Variants in CDH3 observed in about 807,000 individuals in gnomAD.
CDH3 encodes cadherin 3, also known as cadherin-3.
CDH3 carries 54 observed loss-of-function variants against 82.0 expected under a neutral mutation model. The observed-to-expected ratio is 0.66, with a 90% CI of 0.53 to 0.83. The LOEUF is 0.83. CDH3 is among the 40% of genes least tolerant of loss of function. CDH3 has a pLI of 0.00. For synonymous variants in CDH3, 446 were observed against 437.9 expected, an observed-to-expected ratio of 1.02 and a Z score of -0.23; for missense variants, 1,054 against 1,084.6, an observed-to-expected ratio of 0.97 and a Z score of 0.40.
At chr16:68,680,059 C>T in intron 7 of CDH3, 85 bp downstream of exon 7, 1 of 1,317,852 alleles carries the variant, frequency 7.6e-7, no homozygotes, top group Non-Finnish European at 1.1e-6. Flanking sequence ...CCTATCCCTG[C>T]CCACAAAGCC....
rs571655244 is a variant in CDH3 at position 68,645,544 on chromosome 16, C to A, written c.46-92C>A. The A allele has an allele frequency of 7.1e-4, 1,019 of 1,444,374 alleles. 13 individuals are homozygous for A. In the South Asian group the frequency reaches 0.011, roughly 16 times the overall value. 89.5% of individuals were successfully genotyped at this position (1,444,374 alleles called of 1,614,324 possible). On this transcript the variant is annotated intron_variant, in intron 1 of 15. Coordinates refer to ENST00000264012, the MANE Select transcript of CDH3 (RefSeq NM_001793.6). ...CTGCGCTCCCTGGGGCCAAGGGAGT[C>A]CCGGAAGGCCCGTGAGGACCCTGCG...
chr16:68,662,516 C>A (rs1454189297), intron 2 of CDH3, among the ~76,000 whole-genome samples: 1 of 150,790 alleles, frequency 6.6e-6, no homozygotes, highest in African/African-American at 2.4e-5. Flanking sequence ...CGTCTGTAAT[C>A]CCAGCACTTT....
At chr16:68,729,391 C>T (rs923626747), downstream of CDH3, among the ~76,000 whole-genome samples, 6 of 152,106 alleles carry the variant, frequency 3.9e-5, no homozygotes, top group Non-Finnish European at 8.8e-5. Flanking sequence ...TTAAAGAAGT[C>T]TGTAAGTCTG....
At chr16:68,661,167 C>A (rs950485513) in intron 2 of CDH3, among the ~76,000 whole-genome samples, 1 of 152,118 alleles carries the variant, frequency 6.6e-6, no homozygotes, top group Non-Finnish European at 1.5e-5. Context: ...TCACACTTTA[C>A]ATAAAAAGCA....
intron 1 of CDH3, among the ~76,000 whole-genome samples, chr16:68,720,618 CTT>C (rs5817649): frequency 2.8e-3 from 376 of 135,880 alleles, no homozygotes; most frequent in East Asian, 2.8e-3. Flanking sequence ...TTTATTAAGT[CTT>C]TTTTTTTTTT....
intron 9 of CDH3, among the ~76,000 whole-genome samples, chr16:68,684,061 C>T (rs977891744): frequency 1.6e-4 from 14 of 87,622 alleles, no homozygotes; most frequent in Admixed American, 1.2e-3. Flanking sequence ...AGCGAGACTC[C>T]GTCTCCAAAA....
At chr16:68,687,060 T>C (rs1961431252) in intron 11 of CDH3, among the ~76,000 whole-genome samples, 1 of 152,192 alleles carries the variant, frequency 6.6e-6, no homozygotes, top group African/African-American at 2.4e-5. Flanking sequence ...TCCCTTGTGA[T>C]TGATTGATAG....
intron 13 of CDH3, 88 bp from the exon 14 acceptor site, chr16:68,695,167 T>C: frequency 1.5e-6 from 2 of 1,366,430 alleles, no homozygotes; most frequent in Non-Finnish European, 2.1e-6. Context: ...AGTGAGGACA[T>C]CTGCAGTTAG....
chr16:68,651,073 T>C lies in CDH3; in HGVS notation c.160+5323T>C, dbSNP rs1960229010. Reference sequence around the variant, plus strand: ...GTAGTAAGGGGGATATTCAGGGGCCTTCCCTGGGCCTGGGCAGTCGTTGGT... The same window carrying C: ...GTAGTAAGGGGGATATTCAGGGGCCCTCCCTGGGCCTGGGCAGTCGTTGGT... On this transcript the variant is annotated intron_variant, in intron 2 of 15. Coordinates refer to ENST00000264012, the MANE Select transcript of CDH3 (RefSeq NM_001793.6). 3 of 422,446 alleles carry C rather than the reference T, an allele frequency of 7.1e-6. No homozygotes were observed. In the South Asian group the frequency reaches 7.2e-5, roughly 10 times the overall value. The allele number at this position is 422,446 out of a possible 1,614,324, so 26.2% of individuals were successfully genotyped here.
intron 2 of CDH3, among the ~76,000 whole-genome samples, chr16:68,650,189 G>A (rs1262049717): frequency 6.6e-6 from 1 of 152,118 alleles, no homozygotes; most frequent in Admixed American, 6.5e-5. Context: ...AGAGAAAGCC[G>A]GCCACTCAGG....
At chr16:68,671,978 G>C (rs1489087544) in intron 2 of CDH3, among the ~76,000 whole-genome samples, 1 of 152,118 alleles carries the variant, frequency 6.6e-6, no homozygotes, top group African/African-American at 2.4e-5. Context: ...GAGAAAATAA[G>C]TTGCCAACAG....
intron 1 of CDH3, among the ~76,000 whole-genome samples, chr16:68,709,889 G>C (rs1038585009): frequency 6.6e-6 from 1 of 152,112 alleles, no homozygotes; most frequent in Non-Finnish European, 1.5e-5. Context: ...CAGATATCCT[G>C]GAATTCAACC....
Position 68,682,420 on chromosome 16 carries a change from A to G in CDH3, c.1115A>G (p.Asp372Gly). 1.2e-6 allele frequency: 2 copies of G among 1,614,114 alleles called. No homozygotes were observed. The highest frequency in any genetic ancestry group is 1.7e-6 in the Non-Finnish European group (2 of 1,180,030). The change falls in exon 9 of 16, where the codon GAC (aspartate) becomes GGC (glycine). Residue 372 changes from aspartate (D) to glycine (G), a missense_variant. Transcript: ENST00000264012. The stretch of plus-strand genomic sequence containing the variant: ...GCCACCTACCTTATCATGGGCGGTG[A>G]CGACGGGGACCATTTTACCATCACC... ...WRATYLIMGG[D>G]DGDHFTITTH...
chr16:68,723,154 A>G (rs1002364684), intron 2 of CDH3, among the ~76,000 whole-genome samples: 1 of 152,008 alleles, frequency 6.6e-6, no homozygotes, highest in African/African-American at 2.4e-5. Flanking sequence ...AATAATTATG[A>G]ACTCACCACT....
downstream of CDH3, among the ~76,000 whole-genome samples, chr16:68,732,294 G>A (rs1003503326): frequency 4.6e-5 from 7 of 152,272 alleles, no homozygotes; most frequent in East Asian, 1.9e-4. Context: ...GTGGGCTGGC[G>A]GTTGGACTCT....
At chr16:68,690,481 C>T (rs748167640) in intron 12 of CDH3, among the ~76,000 whole-genome samples, 5 of 151,874 alleles carry the variant, frequency 3.3e-5, no homozygotes, top group Non-Finnish European at 7.4e-5. Flanking sequence ...GGTGTAGTGG[C>T]GCAAACCTGT....
At chr16:68,724,024 G>C (rs560480631) in intron 2 of CDH3, among the ~76,000 whole-genome samples, 6,417 of 147,472 alleles carry the variant, frequency 0.044, 477 homozygotes, top group African/African-American at 0.15. Context: ...AGCCGAGATC[G>C]GGCCACTGCA....
chr16:68,705,133 G>A (rs547106515), downstream of CDH3, among the ~76,000 whole-genome samples: 1 of 152,304 alleles, frequency 6.6e-6, no homozygotes, highest in Non-Finnish European at 1.5e-5. Flanking sequence ...CAGTTTTGGG[G>A]TCTAGATCTC....
At chr16:68,654,249 C>A (rs1167292372) in intron 2 of CDH3, among the ~76,000 whole-genome samples, 1 of 150,172 alleles carries the variant, frequency 6.7e-6, no homozygotes, top group Non-Finnish European at 1.5e-5. Context: ...TTAGTAGAGA[C>A]AGGGTTTCAC....
Sources: allele counts gnomAD v4.1 joint callset (sites outside exome capture counted in the v4.1 genomes callset), GRCh38; gene constraint gnomAD v4.1.1; transcripts MANE v1.5; gene names NCBI Gene and HGNC (gene_info 2026-07-23, HGNC 2026-07-21).